Variants in SHANK2 observed in about 807,000 individuals in gnomAD.
SHANK2 encodes SH3 and multiple ankyrin repeat domains protein 2.
Under a neutral mutation model 133.7 loss-of-function variants are expected in SHANK2, and 43 were observed. That is an observed-to-expected ratio of 0.32 (90% confidence interval 0.25 to 0.41). The LOEUF (loss-of-function observed/expected upper bound fraction) is 0.41, where lower values mean the gene tolerates loss of function less well. Among genes scored for constraint, SHANK2 ranks in the 10% least tolerant of loss-of-function variants. The probability of loss-of-function intolerance (pLI) is 1.00; values close to 1 mark genes in which losing one functional copy is unlikely to be tolerated. For missense variants in SHANK2, 1,994 were observed against 2,235.8 expected (o/e 0.89, Z 2.18); for synonymous variants, 1,017 against 952.8 (o/e 1.07, Z -1.24).
chr11:71,205,487 A>T (rs1214886998), intron 2 of SHANK2, among the ~76,000 whole-genome samples: 4 of 152,204 alleles, frequency 2.6e-5, no homozygotes, highest in Non-Finnish European at 4.4e-5. Flanking sequence ...GAGGCTGCAC[A>T]GCCCCTCAGG....
Position 70,535,638 on chromosome 11 carries a change from C to T in SHANK2, c.2062-32707G>A, listed in dbSNP as rs140164677. Among the ~76,000 whole-genome samples the T allele has an allele frequency of 2.0e-5, 3 of 152,328 alleles. No homozygotes were observed. The highest frequency in any genetic ancestry group is 4.8e-5 in the African/African-American group (2 of 41,582). On this transcript the variant is annotated intron_variant, in intron 17 of 25. Transcript: ENST00000601538. This position sits in a 1 kb window ranked among gnomAD's most constrained non-coding sequence, Gnocchi z 4.3. ...CTGTGAGGTCAAGTGTTGTGCTAGACGCTGGGGAATGAATAACTCCTGGCC... is the reference window on the plus strand; with the variant it reads ...CTGTGAGGTCAAGTGTTGTGCTAGATGCTGGGGAATGAATAACTCCTGGCC...
chr11:71,140,696 C>A (rs1952538563), intron 3 of SHANK2, among the ~76,000 whole-genome samples: 1 of 152,194 alleles, frequency 6.6e-6, no homozygotes, highest in Non-Finnish European at 1.5e-5. Context: ...CGCAATGGCT[C>A]ACTTCACAAG....
chr11:70,636,748 ATGTGTGTG>A, intron 17 of SHANK2, among the ~76,000 whole-genome samples: 1 of 23,830 alleles, frequency 4.2e-5, no homozygotes, highest in Non-Finnish European at 1.0e-4. Flanking sequence ...ATGTGTGAGC[ATGTGTGTG>A]AGCATGTGTG....
chr11:70,480,529 GT>G (rs1269321972), intron 25 of SHANK2, among the ~76,000 whole-genome samples: 1 of 152,166 alleles, frequency 6.6e-6, no homozygotes, highest in Non-Finnish European at 1.5e-5. Flanking sequence ...CACAGTTTGG[GT>G]TTGTCTTATT....
intron 2 of SHANK2, among the ~76,000 whole-genome samples, chr11:71,191,625 T>C (rs1319276386): frequency 1.3e-5 from 2 of 152,152 alleles, no homozygotes; most frequent in Non-Finnish European, 2.9e-5. Flanking sequence ...AATGGCGTGA[T>C]CTCAGCTCAC....
intron 11 of SHANK2, among the ~76,000 whole-genome samples, chr11:70,847,632 G>A (rs1949015991): frequency 6.6e-6 from 1 of 152,158 alleles, no homozygotes. Flanking sequence ...CGCCATCCAG[G>A]GTCTCATCTC....
intron 1 of SHANK2, among the ~76,000 whole-genome samples, chr11:71,234,393 A>G (rs1954796879): frequency 6.6e-6 from 1 of 151,042 alleles, no homozygotes. Flanking sequence ...AAATAAATAA[A>G]TAAATAAATA....
rs542447212 is a variant in SHANK2 at position 70,569,324 on chromosome 11, C to T, written c.2062-66393G>A. 3.3e-5 allele frequency among the ~76,000 whole-genome samples: 5 copies of T among 152,300 alleles called. No homozygotes were observed. Among genetic ancestry groups the T allele is most frequent in the South Asian group, 2.1e-4 (1 of 4,820 alleles). ...CAGGCTCGGGAGCGTCTGGGGTGAT[C>T]CTGCTCATGCGCCTCATGGACGCAT... is the stretch of plus-strand genomic sequence containing the variant. On this transcript the variant is annotated intron_variant, in intron 17 of 25. Transcript: ENST00000601538. The surrounding 1 kb of genome is among the most constrained non-coding windows in gnomAD (Gnocchi z 5.1).
intron 2 of SHANK2, among the ~76,000 whole-genome samples, chr11:71,222,307 T>C (rs548719393): frequency 6.6e-6 from 1 of 152,312 alleles, no homozygotes; most frequent in East Asian, 1.9e-4. Flanking sequence ...AGACAAGTTT[T>C]TCCTTCTCTC....
At chr11:70,732,004 T>G (rs1481001004) in intron 14 of SHANK2, among the ~76,000 whole-genome samples, 1 of 152,120 alleles carries the variant, frequency 6.6e-6, no homozygotes, top group African/African-American at 2.4e-5. Flanking sequence ...CCCCATCCTC[T>G]GAACGCAGTC....
rs922428417 is a variant in SHANK2 at position 70,644,416 on chromosome 11, G to A, written c.2061+15412C>T. On this transcript the variant is annotated intron_variant, in intron 17 of 25. Coordinates refer to ENST00000601538, the MANE Select transcript of SHANK2 (RefSeq NM_012309.5). ...ACTACTCTAGGAACCTCACTTGAGC[G>A]GAATCATACAGTTCAAAGGAAGAGA... Among the ~76,000 whole-genome samples, 20 of 152,174 alleles carry A rather than the reference G, an allele frequency of 1.3e-4. No individual in the cohort carries two copies. In the South Asian group the frequency reaches 1.7e-3, roughly 13 times the overall value.
In SHANK2 at chr11:70,642,610, A is replaced by G. The variant is rs189754616; in HGVS notation, c.2061+17218T>C. On this transcript the variant is annotated intron_variant, in intron 17 of 25. Coordinates refer to ENST00000601538, the MANE Select transcript of SHANK2 (RefSeq NM_012309.5). The stretch of plus-strand genomic sequence containing the variant: ...GGGTGCTTCCCTCCCACGGACACAG[A>G]GGCCGGGCTGCCACTTCCATCCTTC... Among the ~76,000 whole-genome samples the G allele has an allele frequency of 6.7e-3, 1,025 of 152,314 alleles. 12 individuals carry two copies. The highest frequency in any genetic ancestry group is 0.023 in the African/African-American group (959 of 41,576).
chr11:70,712,032 C>T lies in SHANK2; in HGVS notation c.1778-13269G>A, dbSNP rs182058145. ...CAGAGCTGCAGGCTGGAAGTCTGAC[C>T]AGGTCTCTGGGCTGAAGTTAGGGCG... On this transcript the variant is annotated intron_variant, in intron 14 of 25. Transcript: ENST00000601538. Among the ~76,000 whole-genome samples the T allele has an allele frequency of 5.3e-5, 8 of 152,238 alleles. No individual in the cohort carries two copies. In the East Asian group the frequency reaches 1.4e-3, roughly 26 times the overall value.
intron 17 of SHANK2, among the ~76,000 whole-genome samples, chr11:70,507,219 T>C (rs2059147658): frequency 1.3e-5 from 2 of 152,168 alleles, no homozygotes; most frequent in African/African-American, 2.4e-5. Context: ...TGAGGGGGCA[T>C]TGGATTTGTG....
intron 8 of SHANK2, among the ~76,000 whole-genome samples, chr11:71,082,394 C>A (rs1290009710): frequency 6.6e-6 from 1 of 152,198 alleles, no homozygotes; most frequent in African/African-American, 2.4e-5. Context: ...GGACAGTGAT[C>A]GCCTCAGCAC....
chr11:70,810,608 C>T (rs1948258547), intron 12 of SHANK2, among the ~76,000 whole-genome samples: 1 of 152,364 alleles, frequency 6.6e-6, no homozygotes, highest in East Asian at 1.9e-4. Context: ...TGTGGACGGC[C>T]TGAACCTCCC....
rs1953724538 is a variant in SHANK2, at chr11:71,188,675, G to A, written c.-13+36022C>T. On this transcript the variant is annotated intron_variant, in intron 2 of 25. Coordinates refer to ENST00000601538, the MANE Select transcript of SHANK2 (RefSeq NM_012309.5). The surrounding 1 kb of genome is among the most constrained non-coding windows in gnomAD (Gnocchi z 4.6). Reference sequence around the variant, plus strand: ...GGTGTGGGCCCAAATGCACCGTGCTGGTGCTAGAGTGCCCTGCTCACTCAT... The same window carrying A: ...GGTGTGGGCCCAAATGCACCGTGCTAGTGCTAGAGTGCCCTGCTCACTCAT... 6.6e-6 allele frequency among the ~76,000 whole-genome samples: 1 copy of A among 152,192 alleles called. No individual in the cohort carries two copies. The highest frequency in any genetic ancestry group is 1.5e-5 in the Non-Finnish European group (1 of 68,040).
At chr11:70,755,152 A>C (rs574608337) in intron 14 of SHANK2, among the ~76,000 whole-genome samples, 1 of 151,888 alleles carries the variant, frequency 6.6e-6, no homozygotes, top group South Asian at 2.1e-4. Flanking sequence ...GCTCACTGCA[A>C]CCTCTGCTTC....
At position 70,648,508 on chromosome 11, in the gene SHANK2, C is replaced by T. The variant is rs563516627; in HGVS notation, c.2061+11320G>A. Among the ~76,000 whole-genome samples the T allele has an allele frequency of 2.0e-5, 3 of 152,182 alleles. 1 individual carries two copies. The highest frequency in any genetic ancestry group is 7.2e-5 in the African/African-American group (3 of 41,508). On this transcript the variant is annotated intron_variant, in intron 17 of 25. Coordinates refer to ENST00000601538, the MANE Select transcript of SHANK2 (RefSeq NM_012309.5). ...TTATTTGTGTCTGACATGATTTACT[C>T]GAAACACAGTGAAATAATGCTAATG... is the stretch of plus-strand genomic sequence containing the variant.
Sources: gnomAD v4.1 joint callset for allele counts (sites outside exome capture counted in the v4.1 genomes callset) on GRCh38, gnomAD v4.1.1 for gene constraint, Gnocchi (gnomAD v3.1) non-coding constraint, MANE v1.5 for transcripts, NCBI Gene and HGNC (gene_info 2026-07-23, HGNC 2026-07-21) for gene names.